CTNNA3: variants seen among roughly 807,000 people sequenced by gnomAD.
CTNNA3 encodes catenin alpha-3.
In CTNNA3, 76 loss-of-function variants were observed where a neutral mutation model predicts 95.7. The ratio of observed to expected loss-of-function variants is 0.79; its 90% CI spans 0.66 to 0.96. CTNNA3 has a LOEUF of 0.96. Ranked by LOEUF, CTNNA3 falls within the 40% of genes least tolerant of loss-of-function variation. The probability of loss-of-function intolerance (pLI) is 0.00; values close to 1 mark genes in which losing one functional copy is unlikely to be tolerated. For synonymous variants in CTNNA3, 431 were observed against 374.4 expected (o/e 1.15, Z -1.74); for missense variants, 1,191 against 1,089.8 (o/e 1.09, Z -1.31).
intron 12 of CTNNA3, among the ~76,000 whole-genome samples, chr10:66,314,103 C>T (rs976052595): frequency 6.6e-6 from 1 of 152,128 alleles, no homozygotes; most frequent in Non-Finnish European, 1.5e-5. Context: ...TAGCCTTCAC[C>T]AGTCATAGGA....
chr10:66,103,208 T>A lies in CTNNA3; in HGVS notation c.1926A>T (p.Glu642Asp). The change falls in exon 14 of 18, where the codon GAA becomes GAT. Residue 642 changes from glutamate to aspartate, a missense_variant. Transcript: ENST00000433211. ...TGCTGGTGTGACTGCGGACCTCGTG[T>A]TCCTCTTCAAGGTCAGAAACATCCT... is the stretch of plus-strand genomic sequence containing the variant. ...ELEDVSDLEE[E>D]HEVRSHTSIQ... 1 of 1,614,170 alleles carries A rather than the reference T, an allele frequency of 6.2e-7. No homozygotes were observed.
At chr10:67,010,335 ATGTTTTAAAAT>A (rs1371136825) in intron 7 of CTNNA3, among the ~76,000 whole-genome samples, 3 of 152,230 alleles carry the variant, frequency 2.0e-5, no homozygotes, top group East Asian at 3.8e-4. Context: ...AAATCCAACA[ATGTTTTAAAAT>A]TGTTTTAAAA....
chr10:67,719,247 A>C (rs979765667), intron 1 of CTNNA3, among the ~76,000 whole-genome samples: 2 of 151,656 alleles, frequency 1.3e-5, no homozygotes, highest in East Asian at 1.9e-4. Context: ...TTAAAAAAAA[A>C]CAGTTCCTGG....
At chr10:66,021,705 G>A (rs1200170254) in intron 15 of CTNNA3, among the ~76,000 whole-genome samples, 1 of 151,982 alleles carries the variant, frequency 6.6e-6, no homozygotes, top group African/African-American at 2.4e-5. Flanking sequence ...TCCATGTTGG[G>A]CAAACCACAG....
chr10:66,731,186 T>C (rs1848948605), intron 9 of CTNNA3, among the ~76,000 whole-genome samples: 1 of 152,158 alleles, frequency 6.6e-6, no homozygotes, highest in Admixed American at 6.6e-5. Flanking sequence ...AGAAGAAAAT[T>C]TGGCATTTGA....
intron 13 of CTNNA3, among the ~76,000 whole-genome samples, chr10:66,220,349 C>T (rs148437547): frequency 2.3e-3 from 345 of 152,212 alleles, no homozygotes; most frequent in Non-Finnish European, 2.3e-3. Context: ...AGGAAATTTT[C>T]TCTGACTTGT....
chr10:67,677,420 T>C (rs1840555412), intron 1 of CTNNA3, among the ~76,000 whole-genome samples: 1 of 152,180 alleles, frequency 6.6e-6, no homozygotes, highest in Non-Finnish European at 1.5e-5. Flanking sequence ...GAGTGTGTCC[T>C]GTATTTTTAT....
chr10:67,161,927 A>G (rs1019190371), intron 7 of CTNNA3, among the ~76,000 whole-genome samples: 4 of 152,138 alleles, frequency 2.6e-5, no homozygotes, highest in African/African-American at 9.7e-5. Flanking sequence ...ATTACTCAGG[A>G]GAGAGGGAGA....
chr10:67,701,245 C>T (rs1257944313), intron 1 of CTNNA3, among the ~76,000 whole-genome samples: 2 of 152,132 alleles, frequency 1.3e-5, no homozygotes, highest in African/African-American at 4.8e-5. Context: ...GCAAGGCAGG[C>T]CAACATTCAG....
chr10:66,081,699 G>A (rs1257465506), intron 14 of CTNNA3, among the ~76,000 whole-genome samples: 1 of 152,146 alleles, frequency 6.6e-6, no homozygotes, highest in African/African-American at 2.4e-5. Context: ...TAGAAGAAGT[G>A]AGCAAAGTAG....
At chr10:67,490,116 CAA>C (rs1181195705) in intron 5 of CTNNA3, among the ~76,000 whole-genome samples, 1 of 152,100 alleles carries the variant, frequency 6.6e-6, no homozygotes, top group Non-Finnish European at 1.5e-5. Flanking sequence ...TGAATTCATC[CAA>C]GAGTGAAACT....
chr10:67,281,132 T>C (rs1804919665), intron 5 of CTNNA3, among the ~76,000 whole-genome samples: 1 of 151,006 alleles, frequency 6.6e-6, no homozygotes, highest in South Asian at 2.1e-4. Context: ...TCTTTACACT[T>C]TTGAAAAAAA....
chr10:67,138,813 A>C (rs967139213), intron 7 of CTNNA3, among the ~76,000 whole-genome samples: 1 of 152,156 alleles, frequency 6.6e-6, no homozygotes, highest in African/African-American at 2.4e-5. Flanking sequence ...GCATCCATGC[A>C]TTTTCCTCTG....
intron 10 of CTNNA3, among the ~76,000 whole-genome samples, chr10:66,583,137 G>A (rs968069175): frequency 1.3e-5 from 2 of 151,692 alleles, no homozygotes; most frequent in Non-Finnish European, 3.0e-5. Context: ...TGGTACCAGG[G>A]TGATACTGGG....
intron 10 of CTNNA3, among the ~76,000 whole-genome samples, chr10:66,615,042 G>C (rs2132296577): frequency 6.6e-6 from 1 of 151,924 alleles, no homozygotes; most frequent in African/African-American, 2.4e-5. Flanking sequence ...TTTTGCTTTT[G>C]TTTAAACACT....
intron 5 of CTNNA3, among the ~76,000 whole-genome samples, chr10:67,316,336 T>C (rs2132539077): frequency 6.6e-6 from 1 of 152,336 alleles, no homozygotes; most frequent in South Asian, 2.1e-4. Flanking sequence ...TCTGCGTTCT[T>C]ATTTTTCTGA....
chr10:66,559,987 T>C (rs901035072), intron 10 of CTNNA3, among the ~76,000 whole-genome samples: 2 of 151,896 alleles, frequency 1.3e-5, no homozygotes, highest in Non-Finnish European at 2.9e-5. Context: ...CAACACACAA[T>C]AGGCACGAAA....
At chr10:67,237,747 G>A (rs1361123213) in intron 5 of CTNNA3, among the ~76,000 whole-genome samples, 1 of 152,100 alleles carries the variant, frequency 6.6e-6, no homozygotes, top group Non-Finnish European at 1.5e-5. Flanking sequence ...AAAAAGGTAG[G>A]CAAGAGACAT....
chr10:67,030,034 ATAAAAT>A (rs1375646161), intron 7 of CTNNA3, among the ~76,000 whole-genome samples: 1 of 152,244 alleles, frequency 6.6e-6, no homozygotes. Flanking sequence ...TGATAGGTAA[ATAAAAT>A]TAATTTTTTT....
Sources: gnomAD v4.1 joint callset for allele counts (sites outside exome capture counted in the v4.1 genomes callset) on GRCh38, gnomAD v4.1.1 for gene constraint, MANE v1.5 for transcripts, NCBI Gene and HGNC (gene_info 2026-07-23, HGNC 2026-07-21) for gene names.